CNTN5: variants seen among roughly 807,000 people sequenced by gnomAD.
CNTN5 encodes contactin 5.
A neutral mutation model predicts 129.1 loss-of-function variants in CNTN5; 77 were observed. The observed-to-expected ratio is 0.60, with a 90% CI of 0.50 to 0.72. The LOEUF (loss-of-function observed/expected upper bound fraction) is 0.72, where lower values mean the gene tolerates loss of function less well. Among genes scored for constraint, CNTN5 ranks in the 30% least tolerant of loss-of-function variants. The pLI, the probability that CNTN5 is intolerant of heterozygous loss-of-function variation, is 0.00. For synonymous variants in CNTN5, 509 were observed against 465.6 expected (o/e 1.09, Z -1.20); for missense variants, 1,478 against 1,328.8 (o/e 1.11, Z -1.75).
chr11:99,817,125 G>C (rs960387669), intron 3 of CNTN5, among the ~76,000 whole-genome samples: 3 of 152,040 alleles, frequency 2.0e-5, no homozygotes, highest in Non-Finnish European at 4.4e-5. Flanking sequence ...TTCCCCACTA[G>C]ATCGTAGCTC....
intron 3 of CNTN5, among the ~76,000 whole-genome samples, chr11:99,657,374 C>A (rs1197406801): frequency 6.6e-6 from 1 of 151,406 alleles, no homozygotes; most frequent in African/African-American, 2.4e-5. Flanking sequence ...GTTTCCATAT[C>A]CAATTCCATA....
At chr11:99,204,485 G>A (rs951081336) in intron 1 of CNTN5, among the ~76,000 whole-genome samples, 55 of 152,032 alleles carry the variant, frequency 3.6e-4, no homozygotes, top group African/African-American at 1.3e-3. Flanking sequence ...CCTCCCTATT[G>A]CAGAATTATT....
At chr11:99,326,678 G>A (rs1481670159) in intron 2 of CNTN5, among the ~76,000 whole-genome samples, 1 of 152,034 alleles carries the variant, frequency 6.6e-6, no homozygotes, top group African/African-American at 2.4e-5. Flanking sequence ...TTGATTGCAG[G>A]CCCTAACTGT....
chr11:99,542,000 T>TG (rs1948133245), intron 2 of CNTN5, among the ~76,000 whole-genome samples: 2 of 149,096 alleles, frequency 1.3e-5, no homozygotes, highest in Admixed American at 1.3e-4. Context: ...GAAAGAAATG[T>TG]GGGGACAAAT....
At chr11:99,742,638 A>G (rs1265880501) in intron 3 of CNTN5, among the ~76,000 whole-genome samples, 1 of 152,174 alleles carries the variant, frequency 6.6e-6, no homozygotes, top group Non-Finnish European at 1.5e-5. Context: ...TTCATACACT[A>G]TATTCAAGAA....
At chr11:100,285,410 T>A (rs1223705229) in intron 18 of CNTN5, among the ~76,000 whole-genome samples, 4 of 152,128 alleles carry the variant, frequency 2.6e-5, no homozygotes, top group Admixed American at 6.5e-5. Context: ...GTCAAGAGAA[T>A]GTTTTAGCAC....
At position 99,792,587 on chromosome 11, in the gene CNTN5, G is replaced by GTCTGTCTC. The variant is rs1945790513; in HGVS notation, c.56-26950_56-26949insCTCTGTCT. 2.0e-5 allele frequency among the ~76,000 whole-genome samples: 3 copies of GTCTGTCTC among 149,984 alleles called. No individual in the cohort carries two copies. In the South Asian group the frequency reaches 6.5e-4, roughly 32 times the overall value. Reference sequence around the variant, plus strand: ...TGTGTGTGTGTGTGTCTGTCTGTCTGTCTGTCTGTCTGCAAGGTTTTGGTA... The same window carrying GTCTGTCTC: ...TGTGTGTGTGTGTGTCTGTCTGTCTGTCTGTCTCTCTGTCTGTCTGCAAGGTTTTGGTA... On this transcript the variant is annotated intron_variant, in intron 3 of 24. Coordinates refer to ENST00000524871, the MANE Select transcript of CNTN5 (RefSeq NM_014361.4).
intron 18 of CNTN5, among the ~76,000 whole-genome samples, chr11:100,283,201 G>C (rs1950679047): frequency 6.6e-6 from 1 of 152,168 alleles, no homozygotes; most frequent in Non-Finnish European, 1.5e-5. Context: ...TTCTTGCCCA[G>C]GATGTGTCTA....
At chr11:99,742,519 G>A (rs1943918573) in intron 3 of CNTN5, among the ~76,000 whole-genome samples, 2 of 152,116 alleles carry the variant, frequency 1.3e-5, no homozygotes, top group Admixed American at 1.3e-4. Flanking sequence ...GTTGTGGTAA[G>A]AAGGAGGAAA....
chr11:99,181,308 TTG>T (rs1197353877), intron 1 of CNTN5, among the ~76,000 whole-genome samples: 1 of 152,178 alleles, frequency 6.6e-6, no homozygotes, highest in Non-Finnish European at 1.5e-5. Context: ...TCTACTATAA[TTG>T]TATTGCTGTC....
chr11:99,329,274 G>A (rs1443137742), intron 2 of CNTN5, among the ~76,000 whole-genome samples: 1 of 152,122 alleles, frequency 6.6e-6, no homozygotes, highest in Non-Finnish European at 1.5e-5. Flanking sequence ...GTGACACAAG[G>A]CATCCACAGG....
intron 3 of CNTN5, among the ~76,000 whole-genome samples, chr11:99,815,227 T>A (rs551811260): frequency 3.2e-4 from 49 of 152,310 alleles, no homozygotes; most frequent in South Asian, 2.7e-3. Flanking sequence ...TATTCCACCC[T>A]CAACAGATTT....
At chr11:99,164,674 C>T (rs1199399707) in intron 1 of CNTN5, among the ~76,000 whole-genome samples, 2 of 152,056 alleles carry the variant, frequency 1.3e-5, no homozygotes, top group Non-Finnish European at 2.9e-5. Context: ...TAAGTACATG[C>T]TATTTTCCCT....
At chr11:99,597,045 A>G (rs1400859294) in intron 3 of CNTN5, among the ~76,000 whole-genome samples, 2 of 152,184 alleles carry the variant, frequency 1.3e-5, no homozygotes, top group East Asian at 1.9e-4. Context: ...TTTAGAAGCT[A>G]TACATAGTAT....
intron 3 of CNTN5, among the ~76,000 whole-genome samples, chr11:99,619,407 T>C (rs1294432232): frequency 6.6e-6 from 1 of 152,082 alleles, no homozygotes; most frequent in Non-Finnish European, 1.5e-5. Context: ...TCTATTGTGG[T>C]TAAATACATG....
intron 1 of CNTN5, among the ~76,000 whole-genome samples, chr11:99,085,487 C>A (rs1356883506): frequency 6.6e-6 from 1 of 151,106 alleles, no homozygotes. Flanking sequence ...CTTTTTGGTG[C>A]CTTGTAAGAG....
intron 1 of CNTN5, among the ~76,000 whole-genome samples, chr11:99,080,318 A>G (rs570020082): frequency 5.9e-5 from 9 of 152,328 alleles, no homozygotes; most frequent in East Asian, 1.9e-4. Flanking sequence ...ACGCCATTAC[A>G]TATTTCATCT....
intron 7 of CNTN5, among the ~76,000 whole-genome samples, chr11:99,945,489 CGTGTGT>C (rs3990615): frequency 3.1e-4 from 46 of 149,000 alleles, no homozygotes; most frequent in African/African-American, 5.4e-4. Context: ...AACCTCTGTG[CGTGTGT>C]GTGTGTGTGT....
chr11:100,202,143 T>TAAAC (rs1948795503), intron 15 of CNTN5, among the ~76,000 whole-genome samples: 2 of 152,034 alleles, frequency 1.3e-5, no homozygotes, highest in Admixed American at 1.3e-4. Flanking sequence ...TTTAGAAAGA[T>TAAAC]AAACAACTTT....
Sources: allele counts gnomAD v4.1 joint callset (sites outside exome capture counted in the v4.1 genomes callset), GRCh38; gene constraint gnomAD v4.1.1; transcripts MANE v1.5; gene names NCBI Gene and HGNC (gene_info 2026-07-23, HGNC 2026-07-21).